Variants in TRPC4 observed in about 807,000 individuals in gnomAD.
TRPC4 encodes the protein transient receptor potential cation channel subfamily C member 4.
Under a neutral mutation model 99.4 loss-of-function variants are expected in TRPC4, and 49 were observed. The observed-to-expected ratio is 0.49, with a 90% confidence interval of 0.39 to 0.63. The LOEUF (loss-of-function observed/expected upper bound fraction) is 0.63, where lower values mean the gene tolerates loss of function less well. Among genes scored for constraint, TRPC4 ranks in the 20% least tolerant of loss-of-function variants. TRPC4 has a pLI of 0.00. For missense variants in TRPC4, 898 were observed against 1,152.9 expected (o/e 0.78, Z 3.20); for synonymous variants, 454 against 425.9 (o/e 1.07, Z -0.81).
intron 3 of TRPC4, among the ~76,000 whole-genome samples, chr13:37,738,678 A>C (rs74973632): frequency 0.019 from 2,940 of 152,278 alleles, 74 homozygotes; most frequent in African/African-American, 0.067. Context: ...GAACAAAGGA[A>C]TAGGGCCAAC....
At position 37,637,487 on chromosome 13, in the gene TRPC4, C is replaced by T. The variant is rs756533828; in HGVS notation, c.2350G>A (p.Glu784Lys). 7 of 1,613,646 alleles carry T rather than the reference C, an allele frequency of 4.3e-6. No homozygotes were observed. Among genetic ancestry groups the T allele is most frequent in the African/African-American group, 4.0e-5 (3 of 74,890 alleles). Residue 784 changes from glutamate to lysine, a missense_variant, in exon 11 of 11, where the codon GAA becomes AAA. Around this residue, in one of 3 missense-constraint regions of TRPC4, gnomAD observed 346 missense variants for 351.4 expected, o/e 0.98. Coordinates refer to ENST00000379705, the MANE Select transcript of TRPC4 (RefSeq NM_016179.4). ...TTTTTCTTGTCCTTGCTATTACCTT[C>T]GCTATCACTCTTTTCATCTGAGTCT... ...SADSDEKSDS[E>K]GNSKDKKKNF...
chr13:37,675,407 G>A (rs1488733053), intron 4 of TRPC4, among the ~76,000 whole-genome samples: 1 of 152,202 alleles, frequency 6.6e-6, no homozygotes, highest in East Asian at 1.9e-4. Flanking sequence ...CCATCCAAGA[G>A]ACTCGGCTGA....
At chr13:37,709,516 T>A (rs779726527) in intron 3 of TRPC4, among the ~76,000 whole-genome samples, 1 of 152,028 alleles carries the variant, frequency 6.6e-6, no homozygotes, top group Non-Finnish European at 1.5e-5. Context: ...AATCACATCC[T>A]CTTTCATTAC....
chr13:37,844,820 T>G (rs1385697559), intron 1 of TRPC4, among the ~76,000 whole-genome samples: 1 of 152,216 alleles, frequency 6.6e-6, no homozygotes, highest in East Asian at 1.9e-4. Flanking sequence ...TCTAAGTCCA[T>G]GCACATCTGT....
intron 2 of TRPC4, among the ~76,000 whole-genome samples, chr13:37,775,241 T>C (rs1013372022): frequency 2.6e-5 from 4 of 151,770 alleles, no homozygotes; most frequent in Non-Finnish European, 5.9e-5. Context: ...TCAAATATAA[T>C]AATATAAAGT....
intron 1 of TRPC4, among the ~76,000 whole-genome samples, chr13:37,860,519 C>T (rs1959238728): frequency 6.6e-6 from 1 of 151,408 alleles, no homozygotes; most frequent in Non-Finnish European, 1.5e-5. Flanking sequence ...ATAAAATTTT[C>T]TTACATAGAC....
chr13:37,737,364 A>C (rs1361511042), intron 3 of TRPC4, among the ~76,000 whole-genome samples: 1 of 152,206 alleles, frequency 6.6e-6, no homozygotes, highest in Non-Finnish European at 1.5e-5. Flanking sequence ...ATTTTAGAGA[A>C]GAGAAAATAG....
At chr13:37,794,206 GT>G (rs5802902) in intron 1 of TRPC4, among the ~76,000 whole-genome samples, 87,163 of 151,550 alleles carry the variant, frequency 0.58, 25,423 homozygotes, top group Admixed American at 0.69. Context: ...GTAATTGGTG[GT>G]TTTTTTTGTT....
intron 8 of TRPC4, among the ~76,000 whole-genome samples, chr13:37,642,518 A>T (rs1363028433): frequency 8.6e-5 from 13 of 151,992 alleles, no homozygotes; most frequent in Admixed American, 8.5e-4. Context: ...GAGCTCAGGG[A>T]TATTTCTCTT....
At chr13:37,723,697 C>T (rs868208663) in intron 3 of TRPC4, among the ~76,000 whole-genome samples, 4 of 152,038 alleles carry the variant, frequency 2.6e-5, no homozygotes, top group Non-Finnish European at 4.4e-5. Context: ...TACAGGCACA[C>T]ACTACGATGC....
chr13:37,796,123 T>A, intron 1 of TRPC4, among the ~76,000 whole-genome samples: 1 of 152,242 alleles, frequency 6.6e-6, no homozygotes, highest in East Asian at 1.9e-4. Context: ...GTGAGGCTGG[T>A]CTCAGAATTT....
At chr13:37,638,827 C>T (rs1951617255) in intron 10 of TRPC4, among the ~76,000 whole-genome samples, 1 of 152,134 alleles carries the variant, frequency 6.6e-6, no homozygotes, top group African/African-American at 2.4e-5. Flanking sequence ...AGGCTTTTCT[C>T]TGTATGTTTG....
intron 2 of TRPC4, among the ~76,000 whole-genome samples, chr13:37,773,239 A>T (rs1566160322): frequency 6.6e-6 from 1 of 151,738 alleles, no homozygotes; most frequent in Non-Finnish European, 1.5e-5. Context: ...ATATCCAGGC[A>T]ATTTGGCAAA....
At chr13:37,744,049 T>A (rs1377093866) in intron 3 of TRPC4, among the ~76,000 whole-genome samples, 6 of 152,196 alleles carry the variant, frequency 3.9e-5, no homozygotes, top group Non-Finnish European at 5.9e-5. Context: ...TCATGAATTG[T>A]ACATCTTGGG....
At chr13:37,812,942 A>G (rs1451681505) in intron 1 of TRPC4, among the ~76,000 whole-genome samples, 1 of 151,968 alleles carries the variant, frequency 6.6e-6, no homozygotes, top group Non-Finnish European at 1.5e-5. Context: ...AACGACAACT[A>G]ACTTCTCATT....
intron 3 of TRPC4, among the ~76,000 whole-genome samples, chr13:37,722,789 CACTT>C (rs1247009315): frequency 3.3e-5 from 5 of 151,276 alleles, no homozygotes; most frequent in African/African-American, 4.9e-5. Context: ...AGTAAATAAA[CACTT>C]ACTATTATTG....
intron 3 of TRPC4, among the ~76,000 whole-genome samples, chr13:37,705,992 C>A (rs145642312): frequency 1.3e-5 from 2 of 152,270 alleles, no homozygotes; most frequent in African/African-American, 4.8e-5. Context: ...AGATTCCCCT[C>A]ATTACTTCCA....
At chr13:37,675,543 T>C (rs1191722618) in intron 4 of TRPC4, among the ~76,000 whole-genome samples, 1 of 152,106 alleles carries the variant, frequency 6.6e-6, no homozygotes, top group African/African-American at 2.4e-5. Context: ...AGTTCAAGCC[T>C]GGGGAGAAAA....
At chr13:37,722,726 A>G (rs1593589670) in intron 3 of TRPC4, among the ~76,000 whole-genome samples, 2 of 152,298 alleles carry the variant, frequency 1.3e-5, no homozygotes, top group Middle Eastern at 6.8e-3. Context: ...ATTAATTAAG[A>G]TCAAGTAACA....
Sources: allele counts gnomAD v4.1 joint callset (sites outside exome capture counted in the v4.1 genomes callset), GRCh38; gene constraint gnomAD v4.1.1; regional missense constraint gnomAD v4.1.1; transcripts MANE v1.5; gene names NCBI Gene and HGNC (gene_info 2026-07-23, HGNC 2026-07-21).